Variants in PHC2 observed in about 807,000 individuals in gnomAD.
PHC2 encodes polyhomeotic-like protein 2.
Under a neutral mutation model 87.4 loss-of-function variants are expected in PHC2, and 29 were observed. The ratio of observed to expected loss-of-function variants is 0.33; its 90% confidence interval spans 0.25 to 0.45. The LOEUF is 0.45. Ranked by LOEUF, PHC2 falls within the 20% of genes least tolerant of loss-of-function variation. PHC2 has a pLI of 1.00. For synonymous variants in PHC2, 438 were observed against 461.7 expected, an observed-to-expected ratio of 0.95 and a Z score of 0.66; for missense variants, 857 against 1,136.7, an observed-to-expected ratio of 0.75 and a Z score of 3.54.
At chr1:33,398,459 T>C (rs147806225) in intron 1 of PHC2, among the ~76,000 whole-genome samples, 2 of 152,368 alleles carry the variant, frequency 1.3e-5, no homozygotes, top group Admixed American at 6.5e-5. Flanking sequence ...GCTGGGAGGA[T>C]AGATACCAAA....
intron 9 of PHC2, chr1:33,346,034 C>G (rs926960831): frequency 1.0e-6 from 1 of 985,358 alleles, no homozygotes. Flanking sequence ...AAACCATGCC[C>G]TAAAAACATT....
At position 33,370,726 on chromosome 1, in the gene PHC2, G is replaced by A. The variant is rs187465525; in HGVS notation, c.412-141C>T. On this transcript the variant is annotated intron_variant, in intron 4 of 14. Coordinates refer to ENST00000683057, the MANE Select transcript of PHC2 (RefSeq NM_001385109.1). Reference sequence around the variant, plus strand: ...GGAACGTCTGTGGTCCTTGGCTTTGGAGCAATCCCCCAGCCCTGTCCCATC... The same window carrying A: ...GGAACGTCTGTGGTCCTTGGCTTTGAAGCAATCCCCCAGCCCTGTCCCATC... The A allele has an allele frequency of 1.9e-5, 16 of 830,798 alleles. No homozygotes were observed. The African/African-American group carries it at 2.4e-4, about 12-fold the overall frequency. 51.5% of individuals were successfully genotyped at this position (830,798 alleles called of 1,614,324 possible).
rs533362430 is a variant in PHC2, at chr1:33,328,953, A to T, written c.2342T>A (p.Val781Glu). ...ELPDMHMRDL[V>E]GMGHHFLPSE... ...TGGCAGGAAGTGGTGTCCCATGCCC[A>T]CCAGGTCCCGCATATGCATGTCGGG... is the stretch of plus-strand genomic sequence containing the variant. The change falls in exon 14 of 15, where the codon GTG (valine) becomes GAG (glutamate). Residue 781 changes from valine (V) to glutamate (E), a missense_variant. Around this residue, in one of 3 missense-constraint regions of PHC2, gnomAD observed 832 missense variants for 1,081.8 expected, o/e 0.77. Coordinates refer to ENST00000683057, the MANE Select transcript of PHC2 (RefSeq NM_001385109.1). 2.5e-6 allele frequency: 4 copies of T among 1,614,038 alleles called. No homozygotes were observed. Among genetic ancestry groups the T allele is most frequent in the Non-Finnish European group, 3.4e-6 (4 of 1,180,036 alleles).
In PHC2 at chr1:33,382,590, G is replaced by A. The variant is rs1648544893; in HGVS notation, c.-54-6997C>T. On this transcript the variant is annotated intron_variant, in intron 1 of 14. Coordinates refer to ENST00000683057, the MANE Select transcript of PHC2 (RefSeq NM_001385109.1). This position sits in a 1 kb window ranked among gnomAD's most constrained non-coding sequence, Gnocchi z 4.3. ...GGGTTCCTACTCACTGTGTGGTTTT[G>A]TATGAGCCCGGGCTCTGAAGGGCTA... 6.6e-6 allele frequency among the ~76,000 whole-genome samples: 1 copy of A among 152,128 alleles called. No homozygotes were observed. The highest frequency in any genetic ancestry group is 6.5e-5 in the Admixed American group (1 of 15,278).
At chr1:33,399,320 T>C (rs1408159909) in intron 1 of PHC2, among the ~76,000 whole-genome samples, 1 of 148,514 alleles carries the variant, frequency 6.7e-6, no homozygotes, top group East Asian at 2.0e-4. Flanking sequence ...GGAAGTATTA[T>C]TACTTTGGAC....
In PHC2 at chr1:33,382,024, C is replaced by T. The variant is rs375690204; in HGVS notation, c.-54-6431G>A. ...CCGCATGGTGGTGGTGACTTATCAACGAGAGAGGTGAAGTTTGCCCTGCAG... is the reference window on the plus strand; with the variant it reads ...CCGCATGGTGGTGGTGACTTATCAATGAGAGAGGTGAAGTTTGCCCTGCAG... On this transcript the variant is annotated intron_variant, in intron 1 of 14. Coordinates refer to ENST00000683057, the MANE Select transcript of PHC2 (RefSeq NM_001385109.1). The surrounding 1 kb of genome is among the most constrained non-coding windows in gnomAD (Gnocchi z 4.3). Among the ~76,000 whole-genome samples the T allele has an allele frequency of 1.4e-4, 21 of 151,942 alleles. No individual in the cohort carries two copies. Among genetic ancestry groups the T allele is most frequent in the African/African-American group, 4.1e-4 (17 of 41,356 alleles).
chr1:33,327,827 T>G (rs1451335873), intron 14 of PHC2, among the ~76,000 whole-genome samples: 1 of 152,190 alleles, frequency 6.6e-6, no homozygotes, highest in African/African-American at 2.4e-5. Flanking sequence ...ATCCCACAGC[T>G]CTTCAGTATT....
Position 33,349,689 on chromosome 1 carries a change from C to G in PHC2, c.1558+4712G>C. 2.0e-6 allele frequency: 2 copies of G among 986,802 alleles called. No individual in the cohort carries two copies. Among genetic ancestry groups the G allele is most frequent in the Non-Finnish European group, 2.4e-6 (2 of 831,932 alleles). The allele number at this position is 986,802 out of a possible 1,614,324, so 61.1% of individuals were successfully genotyped here. A position where few individuals can be genotyped will look rare whatever the true frequency, so the allele number is the denominator to read the frequency against. ...CGCGGGGTCCCGGGCCCGGGCGGGCCGCCTCCTCTCCGCCGGGAGCCTCCG... is the reference window on the plus strand; with the variant it reads ...CGCGGGGTCCCGGGCCCGGGCGGGCGGCCTCCTCTCCGCCGGGAGCCTCCG... On this transcript the variant is annotated intron_variant, in intron 9 of 14. Transcript: ENST00000683057. The surrounding 1 kb of genome is among the most constrained non-coding windows in gnomAD (Gnocchi z 4.2).
At chr1:33,367,905 C>A (rs775702889) in intron 6 of PHC2, among the ~76,000 whole-genome samples, 2 of 152,216 alleles carry the variant, frequency 1.3e-5, no homozygotes, top group African/African-American at 2.4e-5. Flanking sequence ...ACCGGCTCTT[C>A]CAAGACGGCC....
rs780675893 is a variant in PHC2 at position 33,331,498 on chromosome 1, G to T, written c.1892-36C>A. 8 of 1,287,474 alleles carry T rather than the reference G, an allele frequency of 6.2e-6. No homozygotes were observed. The African/African-American group carries it at 1.2e-4, about 19-fold the overall frequency. The allele number at this position is 1,287,474 out of a possible 1,614,324, so 79.8% of individuals were successfully genotyped here. On this transcript the variant is annotated intron_variant, in intron 11 of 14. Transcript: ENST00000683057. This position sits in a 1 kb window ranked among gnomAD's most constrained non-coding sequence, Gnocchi z 5.2. ...TAGAAATGGGTAGGGTGGAGAATGA[G>T]AAATTCCTGCAGGACTGTGGCCAGC...
intron 3 of PHC2, 43 bp from the exon 4 acceptor site, chr1:33,371,137 C>T (rs370691099): frequency 1.7e-5 from 26 of 1,490,656 alleles, no homozygotes; most frequent in Middle Eastern, 1.7e-4. Context: ...CCAGACCTCC[C>T]CCAGTCACTC....
chr1:33,366,702 A>C (rs531027037), intron 7 of PHC2, among the ~76,000 whole-genome samples: 1 of 152,204 alleles, frequency 6.6e-6, no homozygotes, highest in Non-Finnish European at 1.5e-5. Context: ...TGATGAGAAA[A>C]ATAAACTTCC....
At chr1:33,395,701 T>C (rs1032805028) in intron 1 of PHC2, among the ~76,000 whole-genome samples, 4 of 152,222 alleles carry the variant, frequency 2.6e-5, no homozygotes, top group African/African-American at 9.6e-5. Context: ...CTTTTTGGTA[T>C]GTTCAGAACT....
intron 1 of PHC2, among the ~76,000 whole-genome samples, chr1:33,413,457 T>C (rs1650065295): frequency 6.6e-6 from 1 of 152,194 alleles, no homozygotes; most frequent in Non-Finnish European, 1.5e-5. Context: ...GAGCCTGAGG[T>C]GGCTTCCTCA....
intron 7 of PHC2, among the ~76,000 whole-genome samples, chr1:33,366,805 G>C (rs1570489478): frequency 6.6e-6 from 1 of 152,342 alleles, no homozygotes; most frequent in Middle Eastern, 3.4e-3. Flanking sequence ...TAGTTCAACT[G>C]CCTGCCTCCA....
At chr1:33,367,030 T>C (rs924190205) in intron 7 of PHC2, 86 bp downstream of exon 7, 5 of 1,195,478 alleles carry the variant, frequency 4.2e-6, no homozygotes, top group Admixed American at 4.3e-5. Context: ...TGCAAATCCA[T>C]GGGAAAAAGG....
At chr1:33,426,987 C>T (rs909511848) in intron 1 of PHC2, among the ~76,000 whole-genome samples, 6 of 152,088 alleles carry the variant, frequency 3.9e-5, no homozygotes, top group African/African-American at 1.4e-4. Flanking sequence ...AACACAGGGC[C>T]CTGGGAGACT....
intron 9 of PHC2, chr1:33,350,029 C>CGCCTCGCGCCCT: frequency 4.7e-6 from 1 of 212,520 alleles, no homozygotes; most frequent in Non-Finnish European, 8.1e-6. Context: ...CGGCGAGCCC[C>CGCCTCGCGCCCT]GCCTCGCGCC....
Position 33,349,658 on chromosome 1 carries a change from G to C in PHC2, c.1558+4743C>G, listed in dbSNP as rs1333202821. ...CTACGCAGCCCCTCGGCCGGGCGCCGACTCGCGCGGGGTCCCGGGCCCGGG... is the reference window on the plus strand; with the variant it reads ...CTACGCAGCCCCTCGGCCGGGCGCCCACTCGCGCGGGGTCCCGGGCCCGGG... On this transcript the variant is annotated intron_variant, in intron 9 of 14. Coordinates refer to ENST00000683057, the MANE Select transcript of PHC2 (RefSeq NM_001385109.1). This position sits in a 1 kb window ranked among gnomAD's most constrained non-coding sequence, Gnocchi z 4.2. The C allele has an allele frequency of 1.2e-5, 12 of 982,842 alleles. No individual in the cohort carries two copies. The highest frequency in any genetic ancestry group is 1.4e-5 in the Non-Finnish European group (12 of 829,306). The allele number at this position is 982,842 out of a possible 1,614,324, so 60.9% of individuals were successfully genotyped here. A position where few individuals can be genotyped will look rare whatever the true frequency, so the allele number is the denominator to read the frequency against.
Sources: allele counts gnomAD v4.1 joint callset (sites outside exome capture counted in the v4.1 genomes callset), GRCh38; gene constraint gnomAD v4.1.1; regional missense constraint gnomAD v4.1.1; non-coding constraint Gnocchi (gnomAD v3.1); transcripts MANE v1.5; gene names NCBI Gene and HGNC (gene_info 2026-07-23, HGNC 2026-07-21).